TTC13: variants seen among roughly 807,000 people sequenced by gnomAD.
TTC13 encodes the protein tetratricopeptide repeat domain 13.
TTC13 carries 62 observed loss-of-function variants against 120.0 expected under a neutral mutation model. That is an observed-to-expected ratio of 0.52 (90% confidence interval 0.42 to 0.64). The LOEUF (loss-of-function observed/expected upper bound fraction) is 0.64, where lower values mean the gene tolerates loss of function less well. TTC13 is among the 30% of genes least tolerant of loss of function. The pLI is 0.00. For missense variants in TTC13, 824 were observed against 1,050.2 expected (o/e 0.78, Z 2.98); for synonymous variants, 384 against 393.5 (o/e 0.98, Z 0.28).
chr1:230,931,081 G>A (rs1177949562), intron 11 of TTC13, among the ~76,000 whole-genome samples: 2 of 152,140 alleles, frequency 1.3e-5, no homozygotes, highest in Non-Finnish European at 2.9e-5. Flanking sequence ...ACTTTAGAAA[G>A]TAAAAATGTT....
intron 8 of TTC13, among the ~76,000 whole-genome samples, chr1:230,937,556 G>A (rs1437863508): frequency 6.6e-6 from 1 of 152,216 alleles, no homozygotes; most frequent in East Asian, 1.9e-4. Flanking sequence ...CTCAAAGCCT[G>A]CGGCTGCCAG....
At chr1:230,925,792 C>T in intron 12 of TTC13, 145 bp from the exon 13 acceptor site, 1 of 825,790 alleles carries the variant, frequency 1.2e-6, no homozygotes, top group South Asian at 1.6e-5. Flanking sequence ...TCCTTTGCAC[C>T]CAACCATACC....
At chr1:230,975,530 G>T (rs1314566031) in intron 1 of TTC13, among the ~76,000 whole-genome samples, 8 of 152,102 alleles carry the variant, frequency 5.3e-5, no homozygotes, top group Admixed American at 4.6e-4. Context: ...TAAAGATAGG[G>T]CTTTGGCAAC....
intron 11 of TTC13, among the ~76,000 whole-genome samples, chr1:230,929,295 C>T (rs1037574585): frequency 6.6e-6 from 1 of 150,966 alleles, no homozygotes; most frequent in Non-Finnish European, 1.5e-5. Flanking sequence ...AAATATAAGT[C>T]AGTCAGTCTG....
chr1:230,936,130 C>T (rs12131329), intron 8 of TTC13: 32,664 of 454,566 alleles, frequency 0.072, 1,372 homozygotes, highest in Non-Finnish European at 0.088. Flanking sequence ...TAGGTGGAGA[C>T]GCCCAGGGGG....
chr1:230,919,767 A>G (rs899564003), intron 17 of TTC13, among the ~76,000 whole-genome samples: 1 of 152,162 alleles, frequency 6.6e-6, no homozygotes, highest in Non-Finnish European at 1.5e-5. Flanking sequence ...GTCTTAACTA[A>G]ACGCCCAAGG....
intron 17 of TTC13, 191 bp downstream of exon 17, chr1:230,920,319 T>C (rs766075182): frequency 7.7e-5 from 33 of 428,000 alleles, no homozygotes; most frequent in Non-Finnish European, 1.2e-4. Context: ...CTATATTAAC[T>C]GCTTCCTCAC....
At chr1:230,964,173 A>G (rs1480833931) in intron 1 of TTC13, among the ~76,000 whole-genome samples, 1 of 152,186 alleles carries the variant, frequency 6.6e-6, no homozygotes, top group East Asian at 1.9e-4. Flanking sequence ...GCACTTAACC[A>G]TACTTTTATC....
chr1:230,918,897 A>C (rs1056279239), intron 17 of TTC13, among the ~76,000 whole-genome samples: 1 of 152,198 alleles, frequency 6.6e-6, no homozygotes, highest in Admixed American at 6.5e-5. Flanking sequence ...CTGCAAGGAA[A>C]ACATTTACTG....
Position 230,944,349 on chromosome 1 carries a change from G to C in TTC13, c.580-451C>G, listed in dbSNP as rs994475772. On this transcript the variant is annotated intron_variant, in intron 5 of 22. Transcript: ENST00000366661. The surrounding 1 kb of genome is among the most constrained non-coding windows in gnomAD (Gnocchi z 4.0). ...TTTAGGTACATTCTCTTTAACATTTGCACATTATTTTTACATTAAAAATGC... is the reference window on the plus strand; with the variant it reads ...TTTAGGTACATTCTCTTTAACATTTCCACATTATTTTTACATTAAAAATGC... Among the ~76,000 whole-genome samples the C allele has an allele frequency of 2.0e-5, 3 of 152,090 alleles. No individual in the cohort carries two copies. The highest frequency in any genetic ancestry group is 7.2e-5 in the African/African-American group (3 of 41,398).
In TTC13 at chr1:230,978,543, C is replaced by G; in HGVS notation, c.271+17G>C. 1.1e-6 allele frequency: 1 copy of G among 913,784 alleles called. No individual in the cohort carries two copies. Among genetic ancestry groups the G allele is most frequent in the Middle Eastern group, 3.8e-4 (1 of 2,608 alleles). The allele number at this position is 913,784 out of a possible 1,614,324, so 56.6% of individuals were successfully genotyped here. On this transcript the variant is annotated intron_variant, in intron 1 of 22. Transcript: ENST00000366661. This position sits in a 1 kb window ranked among gnomAD's most constrained non-coding sequence, Gnocchi z 5.6. The stretch of plus-strand genomic sequence containing the variant: ...CGCCGCCCCGGCCGACTCGGACGCC[C>G]GCCGCCGCCCACTCACCGCCGCACT...
intron 18 of TTC13, among the ~76,000 whole-genome samples, chr1:230,913,317 C>T (rs1671693626): frequency 6.6e-6 from 1 of 152,150 alleles, no homozygotes; most frequent in African/African-American, 2.4e-5. Flanking sequence ...CAAAGAAAAG[C>T]TCAGCTGCTG....
At chr1:230,922,167 T>G (rs781367097) in intron 15 of TTC13, among the ~76,000 whole-genome samples, 1 of 152,138 alleles carries the variant, frequency 6.6e-6, no homozygotes, top group Non-Finnish European at 1.5e-5. Context: ...TACTTTTCGT[T>G]CTGGTGCTCT....
chr1:230,968,990 G>C (rs572343653), intron 1 of TTC13, among the ~76,000 whole-genome samples: 2 of 152,314 alleles, frequency 1.3e-5, no homozygotes, highest in Admixed American at 1.3e-4. Flanking sequence ...AGAAAGCTTA[G>C]GGGGCTGGGT....
rs1670958806 is a variant in TTC13, at chr1:230,906,638, T to C, written c.*267A>G. ...TTTTTTTACTGTAAGGAAGGAGTTA[T>C]ATGACTTTATAAGTGGGAACCAACA... is the stretch of plus-strand genomic sequence containing the variant. On this transcript the variant is annotated 3_prime_UTR_variant, in exon 23 of 23. Coordinates refer to ENST00000366661, the MANE Select transcript of TTC13 (RefSeq NM_024525.5). 2 of 210,964 alleles carry C rather than the reference T, an allele frequency of 9.5e-6. No homozygotes were observed. The highest frequency in any genetic ancestry group is 1.8e-4 in the South Asian group (1 of 5,518). 13.1% of individuals were successfully genotyped at this position (210,964 alleles called of 1,614,324 possible). A position where few individuals can be genotyped will look rare whatever the true frequency, so the allele number is the denominator to read the frequency against.
chr1:230,920,380 T>C, intron 17 of TTC13, 130 bp downstream of exon 17: 1 of 599,622 alleles, frequency 1.7e-6, no homozygotes, highest in Non-Finnish European at 2.8e-6. Context: ...TTTATTTTGG[T>C]TATTATTCAG....
Position 230,907,003 on chromosome 1 carries a change from T to C in TTC13, c.2485A>G (p.Lys829Glu). 1.3e-6 allele frequency: 2 copies of C among 1,518,730 alleles called. No homozygotes were observed. Among genetic ancestry groups the C allele is most frequent in the East Asian group, 5.0e-5 (2 of 39,664 alleles). 94.1% of individuals were successfully genotyped at this position (1,518,730 alleles called of 1,614,324 possible). A position where few individuals can be genotyped will look rare whatever the true frequency, so the allele number is the denominator to read the frequency against. The change falls in exon 23 of 23, where the codon AAG (lysine) becomes GAG (glutamate). Residue 829 changes from lysine (K) to glutamate (E), a missense_variant. By Grantham distance (56) the Lys-to-Glu change is moderately conservative (BLOSUM62 1). Around this residue, in one of 4 missense-constraint regions of TTC13, gnomAD observed 226 missense variants for 259.1 expected, o/e 0.87. Coordinates refer to ENST00000366661, the MANE Select transcript of TTC13 (RefSeq NM_024525.5). ...GTTTCTGATACTGATGGAAGAGTCT[T>C]ATAAGAAGGTGAAATACTGAAAAAG... ...MNLKSISPSY[K>E]TLPSVSETFP...
intron 18 of TTC13, 90 bp from the exon 19 acceptor site, chr1:230,912,848 C>T (rs1387231276): frequency 7.8e-6 from 9 of 1,160,106 alleles, no homozygotes; most frequent in East Asian, 7.1e-5. Context: ...AAATAGCATA[C>T]TGACGTAGCA....
At chr1:230,953,470 T>C (rs1675773740) in intron 4 of TTC13, among the ~76,000 whole-genome samples, 2 of 152,334 alleles carry the variant, frequency 1.3e-5, no homozygotes, top group South Asian at 2.1e-4. Context: ...ACTAAGCACT[T>C]ACTATGTGCC....
Sources: allele counts gnomAD v4.1 joint callset (sites outside exome capture counted in the v4.1 genomes callset), GRCh38; gene constraint gnomAD v4.1.1; regional missense constraint gnomAD v4.1.1; non-coding constraint Gnocchi (gnomAD v3.1); transcripts MANE v1.5; gene names NCBI Gene and HGNC (gene_info 2026-07-23, HGNC 2026-07-21).